Variants in SCFD2 observed in about 807,000 individuals in gnomAD.
The protein encoded by SCFD2 is sec1 family domain-containing protein 2.
SCFD2 carries 54 observed loss-of-function variants against 58.9 expected under a neutral mutation model. The observed-to-expected ratio is 0.92, with a 90% CI of 0.74 to 1.15. The LOEUF is 1.15. SCFD2 is among the 50% of genes most tolerant of loss of function. The pLI is 0.00. For missense variants in SCFD2, 805 were observed against 836.6 expected (o/e 0.96, Z 0.47); for synonymous variants, 321 against 335.9 (o/e 0.96, Z 0.49).
At chr4:53,113,808 G>C (rs751699697) in intron 5 of SCFD2, among the ~76,000 whole-genome samples, 2 of 115,090 alleles carry the variant, frequency 1.7e-5, no homozygotes, top group Non-Finnish European at 4.1e-5. Context: ...ATAAAACAAA[G>C]GTACAGAAAG....
At chr4:53,231,737 A>G (rs1729446570) in intron 4 of SCFD2, among the ~76,000 whole-genome samples, 1 of 152,126 alleles carries the variant, frequency 6.6e-6, no homozygotes, top group Admixed American at 6.6e-5. Context: ...TGTTTATGAG[A>G]TTACTGCTAA....
chr4:53,238,528 G>A (rs1176775915), intron 4 of SCFD2, among the ~76,000 whole-genome samples: 1 of 151,904 alleles, frequency 6.6e-6, no homozygotes, highest in East Asian at 1.9e-4. Flanking sequence ...CCCGGATGGG[G>A]TGGCTGCCGG....
chr4:53,260,562 A>G (rs769937011), intron 4 of SCFD2, among the ~76,000 whole-genome samples: 8 of 152,160 alleles, frequency 5.3e-5, no homozygotes, highest in Non-Finnish European at 1.2e-4. Context: ...CCATCCCTCC[A>G]TCCCTGGTAT....
intron 7 of SCFD2, among the ~76,000 whole-genome samples, chr4:52,899,304 T>C (rs1278832621): frequency 6.6e-6 from 1 of 152,202 alleles, no homozygotes; most frequent in East Asian, 1.9e-4. Flanking sequence ...TTCCTTTCCA[T>C]GTTTAGTGCT....
intron 5 of SCFD2, among the ~76,000 whole-genome samples, chr4:52,984,562 C>T (rs1290687542): frequency 6.6e-6 from 1 of 152,208 alleles, no homozygotes; most frequent in Non-Finnish European, 1.5e-5. Flanking sequence ...GCCAGGGCCC[C>T]TTTGGTGTAT....
At chr4:52,972,503 C>G (rs531082098) in intron 5 of SCFD2, among the ~76,000 whole-genome samples, 1 of 152,218 alleles carries the variant, frequency 6.6e-6, no homozygotes, top group South Asian at 2.1e-4. Flanking sequence ...ACAGGAGCAC[C>G]CAGATTCATA....
chr4:52,991,060 T>C (rs1721601869), intron 5 of SCFD2, among the ~76,000 whole-genome samples: 1 of 151,852 alleles, frequency 6.6e-6, no homozygotes, highest in African/African-American at 2.4e-5. Context: ...GGGAAGGAAG[T>C]CCACTAAGAG....
intron 5 of SCFD2, among the ~76,000 whole-genome samples, chr4:53,125,139 A>T (rs11133243): frequency 0.47 from 71,957 of 151,992 alleles, 17,196 homozygotes; most frequent in South Asian, 0.53. Context: ...TAGGGAAGGA[A>T]TAAGAAAGGC....
At chr4:53,088,013 C>T (rs1355134181) in intron 5 of SCFD2, among the ~76,000 whole-genome samples, 1 of 151,814 alleles carries the variant, frequency 6.6e-6, no homozygotes, top group Non-Finnish European at 1.5e-5. Context: ...CTTCCGACTG[C>T]TTATAGTAAA....
intron 5 of SCFD2, among the ~76,000 whole-genome samples, chr4:53,083,915 G>C (rs1394260753): frequency 6.6e-6 from 1 of 152,148 alleles, no homozygotes; most frequent in Non-Finnish European, 1.5e-5. Flanking sequence ...CAGGGAACAG[G>C]ACAAAGGGCA....
At chr4:53,025,791 A>C (rs1242540981) in intron 5 of SCFD2, among the ~76,000 whole-genome samples, 1 of 152,220 alleles carries the variant, frequency 6.6e-6, no homozygotes, top group Non-Finnish European at 1.5e-5. Context: ...ACATTTATTT[A>C]ACTGGAGTCA....
intron 2 of SCFD2, among the ~76,000 whole-genome samples, chr4:53,320,716 A>G (rs1378225885): frequency 6.6e-6 from 1 of 152,272 alleles, no homozygotes; most frequent in Non-Finnish European, 1.5e-5. Flanking sequence ...TCAGCAAAAG[A>G]TAAGTGAATA....
chr4:52,915,216 A>G (rs900924461), intron 6 of SCFD2, among the ~76,000 whole-genome samples: 1 of 152,218 alleles, frequency 6.6e-6, no homozygotes, highest in African/African-American at 2.4e-5. Flanking sequence ...GCAGTTTCCA[A>G]GAAAACCCAG....
chr4:52,873,836 AC>A lies in SCFD2; in HGVS notation c.*132del. On this transcript the variant is annotated 3_prime_UTR_variant, in exon 9 of 9. Coordinates refer to ENST00000401642, the MANE Select transcript of SCFD2 (RefSeq NM_152540.4). Reference sequence around the variant, plus strand: ...AGTACCTCACTGAGTAGGTATCAAGACCCTTCAGGCAGAATTCCATCATTCT... The same window carrying A: ...AGTACCTCACTGAGTAGGTATCAAGACCTTCAGGCAGAATTCCATCATTCT... 5 of 648,386 alleles carry A rather than the reference AC, an allele frequency of 7.7e-6. No individual in the cohort carries two copies. The South Asian group carries it at 9.2e-5, about 12-fold the overall frequency. The allele number at this position is 648,386 out of a possible 1,614,324, so 40.2% of individuals were successfully genotyped here. A position where few individuals can be genotyped will look rare whatever the true frequency, so the allele number is the denominator to read the frequency against.
intron 5 of SCFD2, among the ~76,000 whole-genome samples, chr4:52,954,665 A>G (rs1720670485): frequency 6.6e-6 from 1 of 152,232 alleles, no homozygotes; most frequent in Non-Finnish European, 1.5e-5. Flanking sequence ...GGGTGAGTCC[A>G]GAGAAAAGTA....
intron 4 of SCFD2, among the ~76,000 whole-genome samples, chr4:53,213,040 G>C (rs1043368425): frequency 2.0e-5 from 3 of 152,044 alleles, no homozygotes; most frequent in African/African-American, 4.8e-5. Flanking sequence ...AAACACTACT[G>C]TAATAATGAT....
At chr4:53,321,946 C>T (rs1475370353) in intron 2 of SCFD2, among the ~76,000 whole-genome samples, 3 of 152,198 alleles carry the variant, frequency 2.0e-5, no homozygotes, top group African/African-American at 7.2e-5. Context: ...CACACCCTGC[C>T]TGCATGGAGC....
chr4:52,939,792 A>T (rs2109511239), intron 5 of SCFD2, among the ~76,000 whole-genome samples: 1 of 152,320 alleles, frequency 6.6e-6, no homozygotes, highest in African/African-American at 2.4e-5. Context: ...TAATGGCCAA[A>T]TAAAGAAGCA....
intron 6 of SCFD2, among the ~76,000 whole-genome samples, chr4:52,919,726 G>GA (rs1719691559): frequency 6.6e-6 from 1 of 152,158 alleles, no homozygotes. Context: ...GCAATCAAAG[G>GA]AAAAATCCAA....
Sources: allele counts gnomAD v4.1 joint callset (sites outside exome capture counted in the v4.1 genomes callset), GRCh38; gene constraint gnomAD v4.1.1; transcripts MANE v1.5; gene names NCBI Gene and HGNC (gene_info 2026-07-23, HGNC 2026-07-21).